Variants in STK10 observed in about 807,000 individuals in gnomAD.
STK10 encodes the protein serine/threonine kinase 10.
In STK10, 78 loss-of-function variants were observed where a neutral mutation model predicts 113.8. The ratio of observed to expected loss-of-function variants is 0.69; its 90% CI spans 0.57 to 0.83. The LOEUF is 0.83. Among genes scored for constraint, STK10 ranks in the 40% least tolerant of loss-of-function variants. The pLI is 0.00. For missense variants in STK10, 1,109 were observed against 1,280.1 expected, an observed-to-expected ratio of 0.87 and a Z score of 2.04; for synonymous variants, 465 against 494.7, an observed-to-expected ratio of 0.94 and a Z score of 0.80.
chr5:172,148,260 C>T (rs964294628), intron 2 of STK10, among the ~76,000 whole-genome samples: 2 of 152,160 alleles, frequency 1.3e-5, no homozygotes, highest in Non-Finnish European at 2.9e-5. Context: ...TCCAATCCCA[C>T]TCTGTGCATG....
At chr5:172,075,975 A>G (rs1197354786) in intron 12 of STK10, among the ~76,000 whole-genome samples, 1 of 143,698 alleles carries the variant, frequency 7.0e-6, no homozygotes, top group Non-Finnish European at 1.5e-5. Flanking sequence ...CCAAAATCCC[A>G]GCAGCTATTC....
intron 8 of STK10, among the ~76,000 whole-genome samples, chr5:172,095,079 T>C (rs566969547): frequency 3.3e-4 from 50 of 152,356 alleles, no homozygotes; most frequent in African/African-American, 1.2e-3. Flanking sequence ...CCTCTTGACA[T>C]AGTCACTGTC....
chr5:172,061,040 G>T, intron 14 of STK10, 99 bp downstream of exon 14: 2 of 1,451,194 alleles, frequency 1.4e-6, no homozygotes, highest in Non-Finnish European at 1.8e-6. Flanking sequence ...TGGGGATGGA[G>T]AAGGCCTGGG....
At chr5:172,078,020 C>A (rs1768350413) in intron 12 of STK10, among the ~76,000 whole-genome samples, 1 of 152,178 alleles carries the variant, frequency 6.6e-6, no homozygotes, top group Non-Finnish European at 1.5e-5. Context: ...CTAATTCTGT[C>A]CATCACCCCT....
intron 2 of STK10, among the ~76,000 whole-genome samples, chr5:172,128,094 C>T (rs1329785453): frequency 1.3e-5 from 2 of 152,124 alleles, no homozygotes; most frequent in African/African-American, 2.4e-5. Flanking sequence ...GGTCTAGGCC[C>T]TCAAGGGGCT....
chr5:172,070,206 C>A (rs1180469374), intron 12 of STK10, among the ~76,000 whole-genome samples: 1 of 151,804 alleles, frequency 6.6e-6, no homozygotes, highest in African/African-American at 2.4e-5. Flanking sequence ...CGAGATCATG[C>A]CATTGCACTC....
intron 4 of STK10, chr5:172,114,703 TTGATCTCCTGACCTCG>T (rs1769335592): frequency 6.6e-6 from 1 of 151,674 alleles, no homozygotes; most frequent in African/African-American, 2.4e-5. Flanking sequence ...CAGGATGGTC[TTGATCTCCTGACCTCG>T]TGATCCGCCC....
intron 1 of STK10, among the ~76,000 whole-genome samples, chr5:172,165,354 G>T (rs148414537): frequency 6.6e-6 from 1 of 152,224 alleles, no homozygotes; most frequent in Non-Finnish European, 1.5e-5. Context: ...GGTCCCATCT[G>T]TGACACTTGT....
Position 172,106,417 on chromosome 5 carries a change from AAG to A in STK10, c.788+201_788+202del, listed in dbSNP as rs1343579511. 9.6e-5 allele frequency among the ~76,000 whole-genome samples: 14 copies of A among 145,274 alleles called. 3 individuals carry two copies. The highest frequency in any genetic ancestry group is 4.1e-4 in the Admixed American group (6 of 14,566). ...ACCCTATCTCAAAAAAAAAAAAAAAAAGGAACACAAAGGGAAAAAGAGGCACG... is the reference window on the plus strand; with the variant it reads ...ACCCTATCTCAAAAAAAAAAAAAAAAGAACACAAAGGGAAAAAGAGGCACG... On this transcript the variant is annotated intron_variant, in intron 6 of 18. Coordinates refer to ENST00000176763, the MANE Select transcript of STK10 (RefSeq NM_005990.4).
intron 7 of STK10, among the ~76,000 whole-genome samples, chr5:172,103,442 C>A (rs969237462): frequency 6.6e-6 from 1 of 152,106 alleles, no homozygotes; most frequent in South Asian, 2.1e-4. Flanking sequence ...GCTGCAGCTC[C>A]GGAGCTGCCA....
chr5:172,151,013 A>G (rs377611065), intron 2 of STK10, among the ~76,000 whole-genome samples: 2 of 152,222 alleles, frequency 1.3e-5, no homozygotes, highest in African/African-American at 4.8e-5. Context: ...TCCCCAGTGC[A>G]TATCTACCAT....
chr5:172,061,843 A>G (rs1767943993), intron 13 of STK10, among the ~76,000 whole-genome samples: 2 of 152,206 alleles, frequency 1.3e-5, no homozygotes, highest in African/African-American at 4.8e-5. Context: ...AGGTAAAATA[A>G]TATGATGTCT....
intron 1 of STK10, among the ~76,000 whole-genome samples, chr5:172,170,896 T>C (rs922807681): frequency 6.6e-6 from 1 of 152,240 alleles, no homozygotes; most frequent in East Asian, 1.9e-4. Context: ...TGAGACTCAA[T>C]GCGGAGTTGC....
At chr5:172,150,826 C>T (rs1005675118) in intron 2 of STK10, among the ~76,000 whole-genome samples, 12 of 152,328 alleles carry the variant, frequency 7.9e-5, no homozygotes, top group Non-Finnish European at 8.8e-5. Flanking sequence ...AGGCAAGAAG[C>T]CACACTGAGA....
intron 3 of STK10, among the ~76,000 whole-genome samples, chr5:172,119,719 C>T (rs181872377): frequency 6.8e-6 from 1 of 146,048 alleles, no homozygotes; most frequent in Non-Finnish European, 1.5e-5. Flanking sequence ...AAAAAATTAG[C>T]CGGGCGTAGT....
intron 12 of STK10, among the ~76,000 whole-genome samples, chr5:172,076,687 A>G (rs1768315141): frequency 1.3e-5 from 2 of 152,196 alleles, no homozygotes; most frequent in Admixed American, 1.3e-4. Context: ...AAGTCCTAGT[A>G]AAATATTTAA....
intron 2 of STK10, among the ~76,000 whole-genome samples, chr5:172,155,359 G>A (rs999257177): frequency 2.6e-5 from 4 of 151,972 alleles, no homozygotes; most frequent in African/African-American, 7.3e-5. Flanking sequence ...GCAGCCAGGC[G>A]TGGTGGCATG....
At position 172,104,690 on chromosome 5, in the gene STK10, G is replaced by A. The variant is rs146463471; in HGVS notation, c.870+966C>T. ...AAGCTTCAGAAAGGGCCGCTAACAA[G>A]GTTGGATCCTCAGCTGGTCTCTGCA... On this transcript the variant is annotated intron_variant, in intron 7 of 18. Transcript: ENST00000176763. Among the ~76,000 whole-genome samples the A allele has an allele frequency of 1.0e-3, 159 of 152,304 alleles. 1 individual carries two copies. Among genetic ancestry groups the A allele is most frequent in the African/African-American group, 3.2e-3 (131 of 41,566 alleles).
intron 1 of STK10, among the ~76,000 whole-genome samples, chr5:172,177,931 T>G (rs898790165): frequency 6.6e-6 from 1 of 152,130 alleles, no homozygotes; most frequent in Non-Finnish European, 1.5e-5. Flanking sequence ...AGGTTTCAGG[T>G]GATTTTCCTG....
Sources: allele counts gnomAD v4.1 joint callset (sites outside exome capture counted in the v4.1 genomes callset), GRCh38; gene constraint gnomAD v4.1.1; transcripts MANE v1.5; gene names NCBI Gene and HGNC (gene_info 2026-07-23, HGNC 2026-07-21).